MORN2: variants seen among roughly 807,000 people sequenced by gnomAD.
MORN2 encodes MORN repeat containing 2.
In MORN2, 15 loss-of-function variants were observed where a neutral mutation model predicts 13.4. That is an observed-to-expected ratio of 1.12 (90% CI 0.75 to 1.72). The LOEUF (loss-of-function observed/expected upper bound fraction) is 1.72. MORN2 is among the 40% of genes most tolerant of loss of function. The probability of loss-of-function intolerance (pLI) is 0.00; values close to 1 mark genes in which losing one functional copy is unlikely to be tolerated. For missense variants in MORN2, 168 were observed against 134.6 expected (o/e 1.25, Z -1.23); for synonymous variants, 46 against 43.6 (o/e 1.06, Z -0.22).
chr2:38,880,291 C>G lies in MORN2; in HGVS notation c.109+62C>G, dbSNP rs530460254. On this transcript the variant is annotated intron_variant, in intron 2 of 4. Transcript: ENST00000644631. ...AATTAAATAGCTTAGGAATAAAAAACTGAGACTGTTAAATTTTATAAAACT... is the reference window on the plus strand; with the variant it reads ...AATTAAATAGCTTAGGAATAAAAAAGTGAGACTGTTAAATTTTATAAAACT... 89 of 399,128 alleles carry G rather than the reference C, an allele frequency of 2.2e-4. 1 individual carries two copies. Among genetic ancestry groups the G allele is most frequent in the Non-Finnish European group, 2.6e-4 (58 of 226,230 alleles). The allele number at this position is 399,128 out of a possible 1,614,324, so 24.7% of individuals were successfully genotyped here. A position where few individuals can be genotyped will look rare whatever the true frequency, so the allele number is the denominator to read the frequency against.
chr2:38,879,765 A>C (rs1204620669), intron 1 of MORN2, among the ~76,000 whole-genome samples: 4 of 152,204 alleles, frequency 2.6e-5, no homozygotes, highest in Admixed American at 2.6e-4. Flanking sequence ...ATACTAAAAA[A>C]ATCAAATTGT....
intron 1 of MORN2, 36 bp downstream of exon 1, chr2:38,876,146 AG>A: frequency 2.5e-6 from 1 of 397,932 alleles, no homozygotes. Context: ...CGGGCAGAGA[AG>A]AGCTCCTTTA....
intron 4 of MORN2, among the ~76,000 whole-genome samples, chr2:38,882,204 T>A (rs1665790238): frequency 6.6e-6 from 1 of 151,802 alleles, no homozygotes; most frequent in African/African-American, 2.4e-5. Flanking sequence ...TTTGTTTTTG[T>A]TTGGAATAGT....
intron 3 of MORN2, among the ~76,000 whole-genome samples, chr2:38,881,006 C>T (rs1665761001): frequency 6.6e-6 from 1 of 152,122 alleles, no homozygotes; most frequent in African/African-American, 2.4e-5. Flanking sequence ...CTCTATTTTA[C>T]AAATGAGGAA....
intron 1 of MORN2, among the ~76,000 whole-genome samples, chr2:38,877,661 G>T (rs1464626534): frequency 1.3e-5 from 2 of 151,426 alleles, no homozygotes; most frequent in Non-Finnish European, 2.9e-5. Context: ...TTTTAATTTT[G>T]GTGTAGATGG....
At chr2:38,878,991 C>A (rs1232476339) in intron 1 of MORN2, among the ~76,000 whole-genome samples, 1 of 152,188 alleles carries the variant, frequency 6.6e-6, no homozygotes, top group African/African-American at 2.4e-5. Context: ...AAGTTTTCTT[C>A]AGTATCGGAA....
intron 4 of MORN2, among the ~76,000 whole-genome samples, 189 bp downstream of exon 4, chr2:38,881,767 C>T (rs1665782838): frequency 6.6e-6 from 1 of 152,204 alleles, no homozygotes. Flanking sequence ...TCTCTTGCCT[C>T]AGCCACCCAA....
intron 1 of MORN2, among the ~76,000 whole-genome samples, chr2:38,877,708 T>A (rs547249212): frequency 1.3e-5 from 2 of 152,118 alleles, no homozygotes; most frequent in African/African-American, 4.8e-5. Context: ...CTCAAACTCC[T>A]GGGCTCAAGC....
At chr2:38,878,998 G>A (rs1453058486) in intron 1 of MORN2, among the ~76,000 whole-genome samples, 2 of 152,130 alleles carry the variant, frequency 1.3e-5, no homozygotes, top group African/African-American at 2.4e-5. Context: ...CTTCAGTATC[G>A]GAAAATACAG....
At chr2:38,877,494 A>C (rs1455652749) in intron 1 of MORN2, among the ~76,000 whole-genome samples, 1 of 151,992 alleles carries the variant, frequency 6.6e-6, no homozygotes, top group Middle Eastern at 3.2e-3. Context: ...AACATAACTA[A>C]ATTCAGATTT....
At chr2:38,881,635 T>C (rs909590908) in intron 4 of MORN2, 57 bp downstream of exon 4, 1 of 1,245,238 alleles carries the variant, frequency 8.0e-7, no homozygotes, top group African/African-American at 1.6e-5. Context: ...TTCTGGTATG[T>C]TTGCTTAAAT....
intron 1 of MORN2, 48 bp from the exon 2 acceptor site, chr2:38,880,131 C>G: frequency 2.5e-6 from 1 of 396,322 alleles, no homozygotes; most frequent in Middle Eastern, 6.3e-4. Context: ...TTGCCTCTAT[C>G]GAAAAAAAAG....
intron 3 of MORN2, among the ~76,000 whole-genome samples, chr2:38,881,146 GC>G (rs1014175989): frequency 7.9e-5 from 12 of 152,130 alleles, no homozygotes; most frequent in African/African-American, 2.7e-4. Flanking sequence ...TAAACTGGTT[GC>G]CCTTTAAGAT....
chr2:38,877,874 G>A (rs781285460), intron 1 of MORN2, among the ~76,000 whole-genome samples: 12 of 151,732 alleles, frequency 7.9e-5, no homozygotes, highest in Non-Finnish European at 1.5e-4. Flanking sequence ...CGGACTCACT[G>A]CAGCCTTCAC....
chr2:38,877,585 C>G (rs1665676875), intron 1 of MORN2, among the ~76,000 whole-genome samples: 1 of 152,030 alleles, frequency 6.6e-6, no homozygotes, highest in Non-Finnish European at 1.5e-5. Context: ...TCTCTATCCT[C>G]CACACCATTT....
intron 4 of MORN2, among the ~76,000 whole-genome samples, 191 bp from the exon 5 acceptor site, chr2:38,882,222 T>G (rs74741782): frequency 6.8e-6 from 1 of 145,996 alleles, no homozygotes; most frequent in African/African-American, 2.5e-5. Context: ...AGTATGTGGT[T>G]TTTTTTTTTT....
intron 1 of MORN2, among the ~76,000 whole-genome samples, chr2:38,877,471 G>GA (rs1306946387): frequency 6.6e-6 from 1 of 151,892 alleles, no homozygotes; most frequent in Non-Finnish European, 1.5e-5. Context: ...AAATTATGGG[G>GA]AAAAAATAAG....
chr2:38,880,501 C>T, intron 2 of MORN2, 99 bp from the exon 3 acceptor site: 1 of 574,242 alleles, frequency 1.7e-6, no homozygotes, highest in Non-Finnish European at 2.8e-6. Flanking sequence ...TCACTGGTTT[C>T]AGTGCTAGGG....
intron 1 of MORN2, among the ~76,000 whole-genome samples, chr2:38,877,420 A>G (rs1423618170): frequency 6.6e-6 from 1 of 152,158 alleles, no homozygotes; most frequent in Non-Finnish European, 1.5e-5. Flanking sequence ...CAATTTCTGT[A>G]TACCACCATA....
Sources: allele counts gnomAD v4.1 joint callset (sites outside exome capture counted in the v4.1 genomes callset), GRCh38; gene constraint gnomAD v4.1.1; transcripts MANE v1.5; gene names NCBI Gene and HGNC (gene_info 2026-07-23, HGNC 2026-07-21).